Variants in ANK1 observed in about 807,000 individuals in gnomAD.
ANK1 encodes ankyrin 1.
In ANK1, 51 loss-of-function variants were observed where a neutral mutation model predicts 210.4. That is an observed-to-expected ratio of 0.24 (90% CI 0.19 to 0.31). The LOEUF is 0.31. Ranked by LOEUF, ANK1 falls within the 10% of genes least tolerant of loss-of-function variation. ANK1 has a pLI of 1.00. For synonymous variants in ANK1, 967 were observed against 1,025.9 expected (o/e 0.94, Z 1.10); for missense variants, 2,051 against 2,504.4 (o/e 0.82, Z 3.86).
intron 40 of ANK1, among the ~76,000 whole-genome samples, chr8:41,662,739 G>A (rs533220672): frequency 5.2e-4 from 79 of 152,208 alleles, no homozygotes; most frequent in African/African-American, 1.7e-3. Flanking sequence ...CAAGACAGAC[G>A]CACAAGGAGC....
chr8:41,759,529 A>C (rs1173154687), intron 1 of ANK1, among the ~76,000 whole-genome samples: 2 of 152,216 alleles, frequency 1.3e-5, no homozygotes, highest in East Asian at 3.8e-4. Context: ...AAACAAAAAA[A>C]CCCAGTAATA....
intron 1 of ANK1, among the ~76,000 whole-genome samples, chr8:41,833,834 T>A (rs531875282): frequency 6.6e-6 from 1 of 151,868 alleles, no homozygotes; most frequent in South Asian, 2.1e-4. Flanking sequence ...TACAGCAGAG[T>A]ACAGGAATCC....
chr8:41,685,958 C>A (rs1343079063), intron 36 of ANK1, among the ~76,000 whole-genome samples, 194 bp downstream of exon 36: 1 of 152,222 alleles, frequency 6.6e-6, no homozygotes, highest in Non-Finnish European at 1.5e-5. Flanking sequence ...AAGGCTGAGG[C>A]CAAGCTTCTC....
intron 1 of ANK1, among the ~76,000 whole-genome samples, chr8:41,861,483 G>C (rs956580483): frequency 1.3e-5 from 2 of 152,220 alleles, no homozygotes; most frequent in African/African-American, 2.4e-5. Context: ...TTTGGTTTTT[G>C]GTAGAACCCC....
chr8:41,728,103 G>A, intron 3 of ANK1, 97 bp from the exon 4 acceptor site: 1 of 1,242,386 alleles, frequency 8.0e-7, no homozygotes, highest in Non-Finnish European at 1.2e-6. Flanking sequence ...GAGGGACCCG[G>A]GGGCTTTCTT....
chr8:41,875,699 T>C (rs1318907948), intron 1 of ANK1, among the ~76,000 whole-genome samples: 2 of 152,118 alleles, frequency 1.3e-5, no homozygotes, highest in African/African-American at 2.4e-5. Context: ...GGAAGCCTCC[T>C]TGCTGCTCGT....
chr8:41,802,555 C>T (rs991998521), upstream of ANK1, among the ~76,000 whole-genome samples: 1 of 152,156 alleles, frequency 6.6e-6, no homozygotes, highest in Non-Finnish European at 1.5e-5. Context: ...TTCATTGCTA[C>T]TGCAACTAAT....
At chr8:41,671,266 C>A (rs1009244308) in intron 38 of ANK1, among the ~76,000 whole-genome samples, 5 of 152,204 alleles carry the variant, frequency 3.3e-5, no homozygotes, top group African/African-American at 1.2e-4. Context: ...CCAGCCCCTC[C>A]TTCAAAGGGG....
chr8:41,831,307 T>C (rs1305156684), intron 1 of ANK1, among the ~76,000 whole-genome samples: 2 of 152,194 alleles, frequency 1.3e-5, no homozygotes, highest in Admixed American at 1.3e-4. Flanking sequence ...TAACATACTT[T>C]GCACATGACC....
At chr8:41,687,374 C>A (rs1250157759) in intron 35 of ANK1, among the ~76,000 whole-genome samples, 1 of 152,230 alleles carries the variant, frequency 6.6e-6, no homozygotes, top group East Asian at 1.9e-4. Context: ...GGGTTTCTGA[C>A]ATTAGGCTTC....
rs1812372290 is a variant in ANK1 at position 41,857,282 on chromosome 8, C to T, written c.126+39073G>A. ...TTTGACTCGTTTCTTGGTGTGAAGG[C>T]ATTTTAATGGGCTCTGTCAAAAATC... On this transcript the variant is annotated intron_variant, in intron 1 of 42. Transcript: ENST00000265709. 2.0e-5 allele frequency among the ~76,000 whole-genome samples: 3 copies of T among 150,838 alleles called. No individual in the cohort carries two copies. In the Admixed American group the frequency reaches 2.0e-4, roughly 10 times the overall value.
chr8:41,810,032 G>C (rs1453439099), intron 1 of ANK1, among the ~76,000 whole-genome samples: 1 of 152,182 alleles, frequency 6.6e-6, no homozygotes, highest in Non-Finnish European at 1.5e-5. Context: ...TGGGGAGGGG[G>C]GACAGGGAGA....
intron 1 of ANK1, among the ~76,000 whole-genome samples, chr8:41,868,200 G>A (rs1364954739): frequency 2.0e-5 from 3 of 152,236 alleles, no homozygotes; most frequent in Non-Finnish European, 4.4e-5. Flanking sequence ...ACAGTATTAA[G>A]ACAGGGTTTC....
intron 1 of ANK1, among the ~76,000 whole-genome samples, chr8:41,895,392 A>G (rs1820287109): frequency 2.0e-5 from 3 of 152,088 alleles, no homozygotes; most frequent in Admixed American, 2.0e-4. Flanking sequence ...CCGTGGCTCT[A>G]AGGTGCCCTG....
chr8:41,896,652 G>T, exon 1 of ANK1: 15 of 864,858 alleles, frequency 1.7e-5, no homozygotes, highest in Non-Finnish European at 2.3e-5. Flanking sequence ...GGCAGTTCCG[G>T]ACGCGGAGGG....
upstream of ANK1, among the ~76,000 whole-genome samples, chr8:41,802,269 C>T (rs1390354065): frequency 6.6e-6 from 1 of 152,210 alleles, no homozygotes; most frequent in East Asian, 1.9e-4. Flanking sequence ...AGATTACAGG[C>T]ATGAGCCACC....
intron 13 of ANK1, 46 bp from the exon 14 acceptor site, chr8:41,715,895 C>G: frequency 6.2e-7 from 1 of 1,610,714 alleles, no homozygotes; most frequent in Non-Finnish European, 8.5e-7. Context: ...CTAATGTTAC[C>G]AAATCCAACT....
At position 41,694,571 on chromosome 8, in the gene ANK1, G is replaced by A. The variant is rs61207451; in HGVS notation, c.3327+21C>T. ...GGAGTTCAGTCCACCCCCAGGACCT[G>A]GCGGGGAGGAGGGCTGTCACCTGCA... On this transcript the variant is annotated intron_variant, in intron 28 of 42. Transcript: ENST00000289734. This position sits in a 1 kb window ranked among gnomAD's most constrained non-coding sequence, Gnocchi z 5.7. 6.2e-7 allele frequency: 1 copy of A among 1,608,682 alleles called. No individual in the cohort carries two copies. The highest frequency in any genetic ancestry group is 1.1e-5 in the South Asian group (1 of 90,222).
In ANK1 at chr8:41,740,734, G is replaced by C. The variant is rs116903591; in HGVS notation, c.130-6665C>G. On this transcript the variant is annotated intron_variant, in intron 2 of 42. Transcript: ENST00000289734. Reference sequence around the variant, plus strand: ...TTCAAATTAAGGTTCCTGAGTTGGTGCAGTGAGTGCTGGATAAGCCAGCTC... The same window carrying C: ...TTCAAATTAAGGTTCCTGAGTTGGTCCAGTGAGTGCTGGATAAGCCAGCTC... 9.8e-5 allele frequency among the ~76,000 whole-genome samples: 15 copies of C among 152,342 alleles called. No individual in the cohort carries two copies. The East Asian group carries it at 2.7e-3, about 27-fold the overall frequency.
Sources: allele counts gnomAD v4.1 joint callset (sites outside exome capture counted in the v4.1 genomes callset), GRCh38; gene constraint gnomAD v4.1.1; non-coding constraint Gnocchi (gnomAD v3.1); transcripts MANE v1.5; gene names NCBI Gene and HGNC (gene_info 2026-07-23, HGNC 2026-07-21).